The following ITGA8 variants were observed in gnomAD, a reference collection of about 807,000 sequenced individuals.
The protein encoded by ITGA8 is integrin alpha-8.
In ITGA8, 91 loss-of-function variants were observed where a neutral mutation model predicts 142.3. That is an observed-to-expected ratio of 0.64 (90% CI 0.54 to 0.76). The LOEUF (loss-of-function observed/expected upper bound fraction) is 0.76, where lower values mean the gene tolerates loss of function less well. Among genes scored for constraint, ITGA8 ranks in the 30% least tolerant of loss-of-function variants. ITGA8 has a pLI of 0.00. For synonymous variants in ITGA8, 505 were observed against 485.2 expected (o/e 1.04, Z -0.54); for missense variants, 1,406 against 1,327.7 (o/e 1.06, Z -0.92).
chr10:15,576,896 AC>A (rs1345071146), intron 23 of ITGA8, among the ~76,000 whole-genome samples: 1 of 152,180 alleles, frequency 6.6e-6, no homozygotes, highest in Non-Finnish European at 1.5e-5. Flanking sequence ...ACAGGGCACA[AC>A]TTTGCTGGGC....
chr10:15,528,101 T>C (rs1291201706), intron 28 of ITGA8, among the ~76,000 whole-genome samples: 1 of 151,736 alleles, frequency 6.6e-6, no homozygotes, highest in African/African-American at 2.4e-5. Flanking sequence ...TTTTTGTTGT[T>C]GTTGTTTGTT....
At chr10:15,594,809 AATG>A (rs1297113840) in intron 21 of ITGA8, among the ~76,000 whole-genome samples, 1 of 152,130 alleles carries the variant, frequency 6.6e-6, no homozygotes, top group Non-Finnish European at 1.5e-5. Flanking sequence ...ATGCCAAAAG[AATG>A]ATGAGAGTTT....
intron 13 of ITGA8, among the ~76,000 whole-genome samples, chr10:15,639,493 C>T (rs1588691440): frequency 6.6e-6 from 1 of 152,180 alleles, no homozygotes; most frequent in Admixed American, 6.5e-5. Flanking sequence ...CATGCATGCA[C>T]ACTGAGTCTC....
rs574366752 is a variant in ITGA8 at position 15,706,164 on chromosome 10, GA to G, written c.343+12601del. Among the ~76,000 whole-genome samples the G allele has an allele frequency of 2.2e-3, 331 of 152,230 alleles. 2 individuals are homozygous for G. In the Middle Eastern group the frequency reaches 0.031, roughly 14 times the overall value. ...ACTCAACCCTGGGTATTTCATCTAA[GA>G]CATGCTCCTTACCCACTGTTCTCTA... On this transcript the variant is annotated intron_variant, in intron 2 of 29. Transcript: ENST00000378076.
At chr10:15,598,873 A>G (rs919350353) in intron 20 of ITGA8, among the ~76,000 whole-genome samples, 1 of 152,200 alleles carries the variant, frequency 6.6e-6, no homozygotes, top group Non-Finnish European at 1.5e-5. Context: ...ACATCTTTTC[A>G]AAAAGGTGGT....
chr10:15,551,645 T>G (rs571943989), intron 26 of ITGA8, among the ~76,000 whole-genome samples: 1 of 152,294 alleles, frequency 6.6e-6, no homozygotes, highest in East Asian at 1.9e-4. Context: ...CCTGTGCAAA[T>G]TGGAAATTTT....
At chr10:15,665,948 G>C (rs904935106) in intron 8 of ITGA8, among the ~76,000 whole-genome samples, 2 of 152,020 alleles carry the variant, frequency 1.3e-5, no homozygotes, top group Non-Finnish European at 1.5e-5. Flanking sequence ...AGTCAGGTAG[G>C]GTGATGCCTC....
chr10:15,558,672 C>A (rs28643277), intron 25 of ITGA8, among the ~76,000 whole-genome samples: 59,952 of 151,742 alleles, frequency 0.4, 12,461 homozygotes, highest in African/African-American at 0.52. Context: ...TCAAAGACCC[C>A]ACATCCACAT....
At chr10:15,587,256 T>C (rs528572908) in intron 22 of ITGA8, among the ~76,000 whole-genome samples, 2 of 152,292 alleles carry the variant, frequency 1.3e-5, no homozygotes, top group East Asian at 3.9e-4. Flanking sequence ...AAACCAAAAA[T>C]GTATTGAACT....
intron 16 of ITGA8, 137 bp downstream of exon 16, chr10:15,608,098 A>G: frequency 1.4e-6 from 1 of 692,652 alleles, no homozygotes; most frequent in Non-Finnish European, 2.5e-6. Context: ...AATATTTATT[A>G]GAAGGTTCCA....
At chr10:15,712,461 C>T (rs1026411866) in intron 2 of ITGA8, among the ~76,000 whole-genome samples, 2 of 152,110 alleles carry the variant, frequency 1.3e-5, no homozygotes, top group Non-Finnish European at 2.9e-5. Flanking sequence ...ACTAGCTGGG[C>T]ATGGCAGTGG....
At chr10:15,617,320 GTGGAGCAA>G (rs567503110) in intron 13 of ITGA8, among the ~76,000 whole-genome samples, 135 of 152,166 alleles carry the variant, frequency 8.9e-4, no homozygotes, top group African/African-American at 3.1e-3. Flanking sequence ...GTTGACTGCA[GTGGAGCAA>G]TCCTGGACTA....
chr10:15,601,273 G>A (rs968032739), intron 20 of ITGA8, among the ~76,000 whole-genome samples: 4 of 152,054 alleles, frequency 2.6e-5, no homozygotes, highest in Admixed American at 2.6e-4. Context: ...GAAGGGAAGA[G>A]GGGTGTGAGT....
intron 13 of ITGA8, among the ~76,000 whole-genome samples, chr10:15,630,524 C>G (rs1239119111): frequency 6.6e-6 from 1 of 151,902 alleles, no homozygotes; most frequent in Non-Finnish European, 1.5e-5. Flanking sequence ...TAATTTCCAT[C>G]TGAGATCATT....
chr10:15,554,718 CCTTT>C (rs140932453), intron 26 of ITGA8, among the ~76,000 whole-genome samples: 20,794 of 148,946 alleles, frequency 0.14, 3,799 homozygotes, highest in African/African-American at 0.41. Flanking sequence ...CTTTGCAAAT[CCTTT>C]CTTTCTTTCT....
chr10:15,611,668 T>G (rs1347583492), intron 15 of ITGA8: 4 of 151,436 alleles, frequency 2.6e-5, no homozygotes, highest in Non-Finnish European at 5.9e-5. Context: ...ATTTTTTGTA[T>G]TTTTAGTAGA....
chr10:15,527,915 T>TTTC (rs1554768982), intron 28 of ITGA8, among the ~76,000 whole-genome samples: 1 of 129,224 alleles, frequency 7.7e-6, no homozygotes, highest in African/African-American at 2.9e-5. Context: ...GCTTTTTTTT[T>TTTC]TTTTTTTTTT....
At chr10:15,534,534 T>C (rs755820079) in intron 27 of ITGA8, among the ~76,000 whole-genome samples, 10 of 152,186 alleles carry the variant, frequency 6.6e-5, no homozygotes, top group African/African-American at 9.7e-5. Context: ...ATCTAATGCT[T>C]TGGTCATTTG....
chr10:15,593,633 T>C (rs904842695), intron 21 of ITGA8, among the ~76,000 whole-genome samples: 1 of 152,186 alleles, frequency 6.6e-6, no homozygotes, highest in Admixed American at 6.5e-5. Context: ...TCATCTCTTT[T>C]GTCATAAATC....
Sources: gnomAD v4.1 joint callset for allele counts (sites outside exome capture counted in the v4.1 genomes callset) on GRCh38, gnomAD v4.1.1 for gene constraint, MANE v1.5 for transcripts, NCBI Gene and HGNC (gene_info 2026-07-23, HGNC 2026-07-21) for gene names.